Variants in PLXNA4 observed in about 807,000 individuals in gnomAD.
The protein encoded by PLXNA4 is plexin A4.
Under a neutral mutation model 191.8 loss-of-function variants are expected in PLXNA4, and 44 were observed. That is an observed-to-expected ratio of 0.23 (90% CI 0.18 to 0.29). PLXNA4 has a LOEUF of 0.29. Among genes scored for constraint, PLXNA4 ranks in the 10% least tolerant of loss-of-function variants. The pLI is 1.00. For synonymous variants in PLXNA4, 1,082 were observed against 1,009.5 expected (o/e 1.07, Z -1.36); for missense variants, 1,800 against 2,488.8 (o/e 0.72, Z 5.89).
chr7:132,268,493 G>A (rs1799937917), intron 4 of PLXNA4, among the ~76,000 whole-genome samples: 1 of 152,096 alleles, frequency 6.6e-6, no homozygotes, highest in South Asian at 2.1e-4. Flanking sequence ...TGGATCACTG[G>A]TCTGCTCATG....
intron 3 of PLXNA4, among the ~76,000 whole-genome samples, chr7:132,432,112 C>A (rs1037735602): frequency 6.6e-6 from 1 of 152,144 alleles, no homozygotes; most frequent in Admixed American, 6.5e-5. Context: ...CTCTTCTCTT[C>A]CCTGGTCCAA....
At chr7:132,208,530 G>T (rs1013380835) in intron 10 of PLXNA4, among the ~76,000 whole-genome samples, 1 of 152,140 alleles carries the variant, frequency 6.6e-6, no homozygotes, top group Admixed American at 6.5e-5. Context: ...TGAGTTGGGG[G>T]CAGGGCATGA....
intron 2 of PLXNA4, among the ~76,000 whole-genome samples, chr7:132,490,058 C>T (rs1367335230): frequency 1.3e-5 from 2 of 152,228 alleles, no homozygotes; most frequent in African/African-American, 4.8e-5. Context: ...TGCAGGCAAT[C>T]AGCTGGGGAA....
At chr7:132,555,953 G>A (rs756058423) in intron 1 of PLXNA4, among the ~76,000 whole-genome samples, 3 of 152,248 alleles carry the variant, frequency 2.0e-5, no homozygotes, top group South Asian at 2.1e-4. Context: ...ATGCCATCCA[G>A]GCATCTCTGC....
intron 4 of PLXNA4, among the ~76,000 whole-genome samples, chr7:132,296,921 A>T (rs2116494221): frequency 6.6e-6 from 1 of 152,196 alleles, no homozygotes; most frequent in East Asian, 1.9e-4. Flanking sequence ...TGGCAGCCTC[A>T]TCCAGGGCAC....
At chr7:132,132,381 TGTTCTGTTCTGTTCTGTTC>T (rs1563047773) in intron 31 of PLXNA4, among the ~76,000 whole-genome samples, 11 of 42,588 alleles carry the variant, frequency 2.6e-4, no homozygotes, top group Non-Finnish European at 2.4e-4. Context: ...ACATTCTATT[TGTTCTGTTCTGTTCTGTTC>T]TGTTCTGTTC....
rs139026110 is a variant in PLXNA4 at position 132,180,009 on chromosome 7, G to C, written c.3640-88C>G. ...CAAGTTACCCATGAACTAGTGACCA[G>C]GGCAGGATGACGGAAAGGAGACCAA... On this transcript the variant is annotated intron_variant, in intron 19 of 31. Coordinates refer to ENST00000321063, the MANE Select transcript of PLXNA4 (RefSeq NM_020911.2). 5.7e-4 allele frequency: 842 copies of C among 1,477,856 alleles called. 3 individuals are homozygous for C. The African/African-American group carries it at 0.011, about 19-fold the overall frequency. The allele number at this position is 1,477,856 out of a possible 1,614,324, so 91.5% of individuals were successfully genotyped here.
intron 24 of PLXNA4, 43 bp from the exon 25 acceptor site, chr7:132,159,675 C>T (rs371498668): frequency 2.5e-6 from 4 of 1,607,964 alleles, no homozygotes; most frequent in Admixed American, 1.7e-5. Flanking sequence ...AATGGGGTAG[C>T]AGGAAAAGCT....
chr7:132,516,219 C>CTTTT (rs1382246311), intron 1 of PLXNA4, among the ~76,000 whole-genome samples: 2 of 134,392 alleles, frequency 1.5e-5, no homozygotes, highest in Non-Finnish European at 3.3e-5. Context: ...CCATTTTGTC[C>CTTTT]TTTTATTTAT....
chr7:132,291,177 C>T (rs549466248), intron 4 of PLXNA4, among the ~76,000 whole-genome samples: 2 of 152,292 alleles, frequency 1.3e-5, no homozygotes, highest in Admixed American at 1.3e-4. Context: ...TCTCTGGCCT[C>T]TGTGCTTGCT....
chr7:132,545,940 G>A (rs1800286206), intron 1 of PLXNA4, among the ~76,000 whole-genome samples: 1 of 152,232 alleles, frequency 6.6e-6, no homozygotes, highest in South Asian at 2.1e-4. Flanking sequence ...AAGAGGACCA[G>A]CAGTTGCCAA....
intron 1 of PLXNA4, among the ~76,000 whole-genome samples, chr7:132,540,627 C>CCGGACTG: frequency 2.3e-5 from 3 of 130,162 alleles, no homozygotes; most frequent in Non-Finnish European, 1.6e-5. Flanking sequence ...GTCGCCCAGG[C>CCGGACTG]CGGACTGCGG....
At chr7:132,350,875 G>A (rs955329203) in intron 3 of PLXNA4, among the ~76,000 whole-genome samples, 1 of 152,118 alleles carries the variant, frequency 6.6e-6, no homozygotes, top group East Asian at 1.9e-4. Context: ...GCCAAAAAAG[G>A]AAACAATGCA....
At chr7:132,263,230 G>A (rs1799718348) in intron 4 of PLXNA4, among the ~76,000 whole-genome samples, 1 of 152,190 alleles carries the variant, frequency 6.6e-6, no homozygotes, top group African/African-American at 2.4e-5. Context: ...AAAGGAACCT[G>A]GCATGGCTGG....
At chr7:132,261,363 G>C (rs1214517173) in intron 4 of PLXNA4, among the ~76,000 whole-genome samples, 1 of 152,224 alleles carries the variant, frequency 6.6e-6, no homozygotes, top group Non-Finnish European at 1.5e-5. Context: ...TCTCCTAGCT[G>C]TGCTTTTCCT....
intron 30 of PLXNA4, among the ~76,000 whole-genome samples, chr7:132,138,500 C>T (rs1223837741): frequency 6.6e-6 from 1 of 152,172 alleles, no homozygotes; most frequent in Non-Finnish European, 1.5e-5. Context: ...TGGACGTGGA[C>T]TTGTCCCTCC....
At chr7:132,182,471 G>A (rs1179602716) in intron 16 of PLXNA4, among the ~76,000 whole-genome samples, 1 of 152,128 alleles carries the variant, frequency 6.6e-6, no homozygotes. Context: ...CAGCCCCCTT[G>A]GCTCTCCAAG....
intron 3 of PLXNA4, among the ~76,000 whole-genome samples, chr7:132,328,357 T>C (rs1410697138): frequency 6.6e-6 from 1 of 152,124 alleles, no homozygotes; most frequent in African/African-American, 2.4e-5. Context: ...CCCCACCCCA[T>C]GGTCTTCCTC....
At chr7:132,240,924 GA>G in intron 5 of PLXNA4, 141 bp downstream of exon 5, 1 of 568,652 alleles carries the variant, frequency 1.8e-6, no homozygotes, top group Non-Finnish European at 3.0e-6. Context: ...ATAACATTTG[GA>G]AAGGATGCAA....
Sources: allele counts gnomAD v4.1 joint callset (sites outside exome capture counted in the v4.1 genomes callset), GRCh38; gene constraint gnomAD v4.1.1; transcripts MANE v1.5; gene names NCBI Gene and HGNC (gene_info 2026-07-23, HGNC 2026-07-21).